NTM: variants seen among roughly 807,000 people sequenced by gnomAD.
The protein encoded by NTM is IgLON family member 2.
A neutral mutation model predicts 42.1 loss-of-function variants in NTM; 13 were observed. The observed-to-expected ratio is 0.31, with a 90% CI of 0.20 to 0.49. The LOEUF is 0.49. NTM is among the 20% of genes least tolerant of loss of function. NTM has a pLI of 0.99. For synonymous variants in NTM, 187 were observed against 179.2 expected (o/e 1.04, Z -0.35); for missense variants, 373 against 452.8 (o/e 0.82, Z 1.60).
intron 4 of NTM, among the ~76,000 whole-genome samples, chr11:132,263,628 A>G (rs975839822): frequency 2.6e-5 from 4 of 152,052 alleles, no homozygotes; most frequent in African/African-American, 4.8e-5. Flanking sequence ...TCCATCTTCA[A>G]TTCATTTCCC....
At chr11:131,857,517 T>C (rs1002059491) in intron 1 of NTM, among the ~76,000 whole-genome samples, 8 of 152,180 alleles carry the variant, frequency 5.3e-5, no homozygotes. Context: ...CATCTGGCAG[T>C]GAAAATGCAT....
chr11:131,685,113 T>C (rs923955104), intron 1 of NTM, among the ~76,000 whole-genome samples: 19 of 152,210 alleles, frequency 1.2e-4, no homozygotes, highest in African/African-American at 4.6e-4. Flanking sequence ...ATAGGTGTCA[T>C]GTGTAATTGT....
At chr11:131,733,813 C>A (rs1023206666) in intron 1 of NTM, among the ~76,000 whole-genome samples, 1 of 152,198 alleles carries the variant, frequency 6.6e-6, no homozygotes, top group Non-Finnish European at 1.5e-5. Context: ...GCAGGAATTA[C>A]AGGCATGAGC....
chr11:131,901,208 G>C (rs2053113860), intron 1 of NTM, among the ~76,000 whole-genome samples: 1 of 152,160 alleles, frequency 6.6e-6, no homozygotes, highest in African/African-American at 2.4e-5. Flanking sequence ...TGAGAGGTGA[G>C]AACATTTTCC....
intron 1 of NTM, among the ~76,000 whole-genome samples, chr11:131,638,502 G>T (rs2134197779): frequency 6.8e-6 from 1 of 146,806 alleles, no homozygotes; most frequent in Non-Finnish European, 1.5e-5. Context: ...GGAGGCGGAG[G>T]TTGTGGTGAG....
At chr11:132,289,231 A>G (rs1421635194) in intron 4 of NTM, among the ~76,000 whole-genome samples, 1 of 152,112 alleles carries the variant, frequency 6.6e-6, no homozygotes, top group Non-Finnish European at 1.5e-5. Flanking sequence ...TCTTTGTAGG[A>G]TGAGTAATTT....
At chr11:132,209,614 T>C (rs1296737866) in intron 3 of NTM, among the ~76,000 whole-genome samples, 1 of 152,232 alleles carries the variant, frequency 6.6e-6, no homozygotes, top group East Asian at 1.9e-4. Context: ...GGTGGGAACA[T>C]GTTACATAAA....
At chr11:131,556,427 TAA>T (rs1274078062) in intron 1 of NTM, among the ~76,000 whole-genome samples, 2 of 152,248 alleles carry the variant, frequency 1.3e-5, no homozygotes, top group East Asian at 3.8e-4. Context: ...TAATAATTAA[TAA>T]GTCAGAGTAC....
intron 1 of NTM, among the ~76,000 whole-genome samples, chr11:131,697,577 T>G (rs527689341): frequency 6.6e-6 from 1 of 152,338 alleles, no homozygotes; most frequent in African/African-American, 2.4e-5. Context: ...TTTCCGGGAT[T>G]TATCTTCCAA....
At chr11:132,025,128 A>G (rs1229432620) in intron 2 of NTM, among the ~76,000 whole-genome samples, 1 of 152,162 alleles carries the variant, frequency 6.6e-6, no homozygotes, top group Non-Finnish European at 1.5e-5. Flanking sequence ...TAGAAGGCTG[A>G]GCAGTGGGGT....
chr11:131,651,564 G>A lies in NTM; in HGVS notation c.83-260000G>A, dbSNP rs1012347402. Among the ~76,000 whole-genome samples the A allele has an allele frequency of 7.9e-5, 12 of 152,246 alleles. No homozygotes were observed. In the East Asian group the frequency reaches 1.9e-3, roughly 25 times the overall value. ...TGGGGATAAAAAGATCATAAAGGCC[G>A]GGCACAGTGTCTCACGCCTGTAATC... On this transcript the variant is annotated intron_variant, in intron 1 of 8. Transcript: ENST00000683400.
chr11:131,783,432 C>A (rs1591806147), intron 1 of NTM, among the ~76,000 whole-genome samples: 1 of 152,070 alleles, frequency 6.6e-6, no homozygotes, highest in Admixed American at 6.6e-5. Context: ...AAATTCTAAT[C>A]AAAATCTCAG....
chr11:132,316,493 A>G (rs2095433270), intron 7 of NTM, among the ~76,000 whole-genome samples: 1 of 152,204 alleles, frequency 6.6e-6, no homozygotes, highest in Admixed American at 6.5e-5. Flanking sequence ...ATGGAAAAGT[A>G]GTAGTATGTA....
chr11:131,953,343 G>T (rs536144870), intron 2 of NTM, among the ~76,000 whole-genome samples: 1 of 152,202 alleles, frequency 6.6e-6, no homozygotes, highest in Admixed American at 6.5e-5. Context: ...GTTACAAGGG[G>T]CGAGTGTAGT....
chr11:131,866,160 C>T (rs1205092263), intron 1 of NTM, among the ~76,000 whole-genome samples: 2 of 129,322 alleles, frequency 1.5e-5, no homozygotes, highest in Non-Finnish European at 3.4e-5. Context: ...ACACGGTGCA[C>T]ACACACAGCA....
At chr11:131,768,977 A>G (rs2085593405) in intron 1 of NTM, among the ~76,000 whole-genome samples, 1 of 152,232 alleles carries the variant, frequency 6.6e-6, no homozygotes, top group South Asian at 2.1e-4. Flanking sequence ...AGTGCTATTG[A>G]TATTATCAGA....
intron 1 of NTM, among the ~76,000 whole-genome samples, chr11:131,472,756 A>G (rs1952562341): frequency 6.6e-6 from 1 of 152,182 alleles, no homozygotes; most frequent in African/African-American, 2.4e-5. Flanking sequence ...GGTAGTATTT[A>G]GCATACCCAC....
chr11:131,633,959 A>G lies in NTM; in HGVS notation c.82+263071A>G, dbSNP rs1040844083. Among the ~76,000 whole-genome samples the G allele has an allele frequency of 2.0e-5, 3 of 152,228 alleles. No individual in the cohort carries two copies. The East Asian group carries it at 5.8e-4, about 29-fold the overall frequency. On this transcript the variant is annotated intron_variant, in intron 1 of 8. Transcript: ENST00000683400. The stretch of plus-strand genomic sequence containing the variant: ...GGTATATTACGCTCAGACAATGCAT[A>G]TTAGGGCAGAGAGAGAAAATGAGAC...
At chr11:131,630,774 A>G (rs1239861212) in intron 1 of NTM, among the ~76,000 whole-genome samples, 1 of 152,166 alleles carries the variant, frequency 6.6e-6, no homozygotes, top group Non-Finnish European at 1.5e-5. Context: ...AGTTATCTGT[A>G]TTGCAGCTCC....
Sources: allele counts gnomAD v4.1 joint callset (sites outside exome capture counted in the v4.1 genomes callset), GRCh38; gene constraint gnomAD v4.1.1; transcripts MANE v1.5; gene names NCBI Gene and HGNC (gene_info 2026-07-23, HGNC 2026-07-21).